The following MUC4 variants were observed in gnomAD, a reference collection of about 807,000 sequenced individuals.
MUC4 encodes the protein mucin 4, cell surface associated, also known as mucin-4.
A neutral mutation model predicts 257.9 loss-of-function variants in MUC4; 202 were observed. That is an observed-to-expected ratio of 0.78 (90% CI 0.70 to 0.88). MUC4 has a LOEUF of 0.88. Ranked by LOEUF, MUC4 falls within the 40% of genes least tolerant of loss-of-function variation. The pLI is 0.00. For missense variants in MUC4, 5,976 were observed against 6,513.7 expected, an observed-to-expected ratio of 0.92 and a Z score of 2.84; for synonymous variants, 2,351 against 2,757.1, an observed-to-expected ratio of 0.85 and a Z score of 4.62.
At chr3:195,761,255 T>G in intron 15 of MUC4, 138 bp from the exon 16 acceptor site, 1 of 810,016 alleles carries the variant, frequency 1.2e-6, no homozygotes, top group Non-Finnish European at 2.0e-6. Context: ...AGCTTCTGAG[T>G]CTAGAAACAC....
chr3:195,802,522 C>G (rs1228208288), intron 1 of MUC4, among the ~76,000 whole-genome samples: 1 of 150,810 alleles, frequency 6.6e-6, no homozygotes, highest in African/African-American at 2.4e-5. Flanking sequence ...TGGAAGGTGT[C>G]TGGTAGGTCC....
chr3:195,808,931 C>G lies in MUC4; in HGVS notation c.82+2805G>C, dbSNP rs184007637. ...AGGAGGGGCCCATAAAGACCCTTCC[C>G]CGTGGAGTGCGCTGTGGCCGGCGTC... is the stretch of plus-strand genomic sequence containing the variant. On this transcript the variant is annotated intron_variant, in intron 1 of 24. Coordinates refer to ENST00000463781, the MANE Select transcript of MUC4 (RefSeq NM_018406.7). Among the ~76,000 whole-genome samples, 218 of 152,290 alleles carry G rather than the reference C, an allele frequency of 1.4e-3. 1 individual carries two copies. The highest frequency in any genetic ancestry group is 2.8e-3 in the African/African-American group (117 of 41,560).
In MUC4 at chr3:195,781,254, A is replaced by C; in HGVS notation, c.10326T>G (p.Pro3442=). ...SASTGHATPV[P]VTSTSSASTG... is the part of the protein sequence containing the mutation. ...TAGATGCTGAGGAAGTGCTGGTGAC[A>C]GGAACAGGGGTGGCGTGACCGGTGG... Residue 3442 remains proline (P), a synonymous_variant, in exon 2 of 25, where the codon CCT becomes CCG. Coordinates refer to ENST00000463781, the MANE Select transcript of MUC4 (RefSeq NM_018406.7). 1 of 1,492,954 alleles carries C rather than the reference A, an allele frequency of 6.7e-7. No individual in the cohort carries two copies. The highest frequency in any genetic ancestry group is 1.3e-5 in the South Asian group (1 of 79,928). 92.5% of individuals were successfully genotyped at this position (1,492,954 alleles called of 1,614,324 possible).
rs780377694 is a variant in MUC4 at position 195,747,250 on chromosome 3, C to T, written c.16165G>A (p.Val5389Met). 17 of 1,614,134 alleles carry T rather than the reference C, an allele frequency of 1.1e-5. No individual in the cohort carries two copies. Among genetic ancestry groups the T allele is most frequent in the African/African-American group, 1.3e-5 (1 of 74,958 alleles). Reference protein sequence around the residue: ...GLLLLGVGTFVVLRFWGCSGA... With the variant: ...GLLLLGVGTFMVLRFWGCSGA... ...GAGCAACCCCAGAAGCGCAGGACCA[C>T]GAACGTCCCGACCCCCAGCAGCAAG... is the stretch of plus-strand genomic sequence containing the variant. The change falls in exon 25 of 25, where the codon GTG (valine) becomes ATG (methionine). Residue 5389 changes from valine to methionine, a missense_variant. This residue lies in a region of MUC4 where 310 missense variants were observed against 242.1 expected (regional missense o/e 1.28). Transcript: ENST00000463781.
At chr3:195,748,557 C>T (rs1715640412) in intron 24 of MUC4, among the ~76,000 whole-genome samples, 1 of 152,274 alleles carries the variant, frequency 6.6e-6, no homozygotes, top group African/African-American at 2.4e-5. Flanking sequence ...AATGACACTC[C>T]ATCTCAAAAC....
At chr3:195,793,127 T>TAA (rs200682946) in intron 1 of MUC4, among the ~76,000 whole-genome samples, 3 of 151,980 alleles carry the variant, frequency 2.0e-5, no homozygotes, top group African/African-American at 7.3e-5. Context: ...AAACTTAAAG[T>TAA]AAAAATGAAA....
rs964548976 is a variant in MUC4, at chr3:195,757,534, A to G, written c.14987-206T>C. ...TGGAAGGACGTGGCACCAGTCCAAC[A>G]TACTGATTGTAGCGGGGAACGCCAC... On this transcript the variant is annotated intron_variant, in intron 17 of 24. Transcript: ENST00000463781. The surrounding 1 kb of genome is among the most constrained non-coding windows in gnomAD (Gnocchi z 4.8). Among the ~76,000 whole-genome samples the G allele has an allele frequency of 6.6e-6, 1 of 152,066 alleles. No individual in the cohort carries two copies. Among genetic ancestry groups the G allele is most frequent in the Non-Finnish European group, 1.5e-5 (1 of 68,002 alleles).
In MUC4 at chr3:195,752,377, G is replaced by T. The variant is rs773674525; in HGVS notation, c.15578C>A (p.Ala5193Asp). The T allele has an allele frequency of 6.2e-7, 1 of 1,613,362 alleles. No homozygotes were observed. The highest frequency in any genetic ancestry group is 1.7e-5 in the Admixed American group (1 of 60,030). Residue 5193 changes from alanine (A) to aspartate (D), a missense_variant, in exon 21 of 25, where the codon GCC (alanine) becomes GAC (aspartate). By Grantham distance (126) the Ala-to-Asp change is moderately radical. Transcript: ENST00000463781. ...EENASMAEVN[A>D]SVAYRLGTLD... The stretch of plus-strand genomic sequence containing the variant: ...AGCGCGGCCTGCAGCACTGACCGAG[G>T]CGTTGACTTCTGCCATGGAGGCATT...
intron 1 of MUC4, among the ~76,000 whole-genome samples, chr3:195,808,935 G>A (rs1318746877): frequency 2.0e-5 from 3 of 152,184 alleles, no homozygotes; most frequent in East Asian, 1.9e-4. Context: ...CCTTCCCCGT[G>A]GAGTGCGCTG....
In MUC4 at chr3:195,779,301, G is replaced by A. The variant is rs866027921; in HGVS notation, c.12279C>T (p.His4093=). 110 of 1,196,814 alleles carry A rather than the reference G, an allele frequency of 9.2e-5. 25 individuals are homozygous for A. The African/African-American group carries it at 1.3e-3, about 15-fold the overall frequency. The allele number at this position is 1,196,814 out of a possible 1,614,324, so 74.1% of individuals were successfully genotyped here. ...GGCTGGTGAGAGGAAGAGGGGTGGC[G>A]TGACCGGTGGATGCTGAGGAAGCAT... ...VTDASSASTG[H]ATPLPLTSLS... is the part of the protein sequence containing the mutation. Residue 4093 remains histidine, a synonymous_variant, in exon 2 of 25, where the codon CAC becomes CAT. Transcript: ENST00000463781.
rs751939041 is a variant in MUC4 at position 195,786,931 on chromosome 3, G to C, written c.4649C>G (p.Thr1550Ser). The change falls in exon 2 of 25, where the codon ACC (threonine) becomes AGC (serine). Residue 1550 changes from threonine to serine, a missense_variant. Physicochemically the swap from Thr to Ser is moderately conservative, Grantham distance 58. Transcript: ENST00000463781. ...TSPSSASTGD[T>S]TPLPVTDASS... ...AGCGTCGGTGACAGGAAGAGGGGTG[G>C]TGTCACCTGTGGATGCTGAGGAAGG... is the stretch of plus-strand genomic sequence containing the variant. 3 of 940,936 alleles carry C rather than the reference G, an allele frequency of 3.2e-6. No individual in the cohort carries two copies. The highest frequency in any genetic ancestry group is 6.3e-5 in the Admixed American group (2 of 31,754). 58.3% of individuals were successfully genotyped at this position (940,936 alleles called of 1,614,324 possible). A position where few individuals can be genotyped will look rare whatever the true frequency, so the allele number is the denominator to read the frequency against.
intron 18 of MUC4, among the ~76,000 whole-genome samples, chr3:195,756,599 TTTCCTTTCC>T (rs1288726527): frequency 6.7e-6 from 1 of 149,660 alleles, no homozygotes; most frequent in Non-Finnish European, 1.5e-5. Context: ...TTTCCCTTTC[TTTCCTTTCC>T]TTTCTTTCCT....
intron 3 of MUC4, among the ~76,000 whole-genome samples, chr3:195,776,471 A>ACCCATACCTTCCG (rs1724764607): frequency 2.9e-4 from 1 of 3,474 alleles, no homozygotes; most frequent in Admixed American, 2.1e-3. Context: ...CATACCTTCC[A>ACCCATACCTTCCG]CACCCATACC....
chr3:195,772,160 AGTGGAACCCTCTCTCCATCGCTCAGGGG>A (rs1359684290), intron 4 of MUC4, among the ~76,000 whole-genome samples: 276 of 151,454 alleles, frequency 1.8e-3, no homozygotes, highest in African/African-American at 5.1e-3. Flanking sequence ...GGGCTCAGGG[AGTGGAACCCTCTCTCCATCGCTCAGGGG>A]GTGGAGCCCT....
In MUC4 at chr3:195,811,874, AGT is replaced by A; in HGVS notation, c.-59_-58del. The A allele has an allele frequency of 6.4e-7, 1 of 1,557,928 alleles. No individual in the cohort carries two copies. The highest frequency in any genetic ancestry group is 8.8e-7 in the Non-Finnish European group (1 of 1,132,564). On this transcript the variant is annotated 5_prime_UTR_variant, in exon 1 of 25. Coordinates refer to ENST00000463781, the MANE Select transcript of MUC4 (RefSeq NM_018406.7). ...GGAAGCTCCACGGCCCAGCAGCTGC[AGT>A]GTGAGGAGCAGACGTGAGCCCGTCC... is the stretch of plus-strand genomic sequence containing the variant.
At chr3:195,775,439 C>G (rs1467969066) in intron 3 of MUC4, among the ~76,000 whole-genome samples, 229 of 66,512 alleles carry the variant, frequency 3.4e-3, no homozygotes, top group Admixed American at 4.6e-3. Context: ...ACCTTCCACA[C>G]CCATACCTTC....
Position 195,789,943 on chromosome 3 carries a change from G to T in MUC4, c.1637C>A (p.Thr546Asn). ...VSAIGEPGEP[T>N]TYSSHSTTLP... ...AGTTGTGCTGTGGGAGGAGTATGTGGTGGGCTCTCCTGGTTCCCCTATTGC... is the reference window on the plus strand; with the variant it reads ...AGTTGTGCTGTGGGAGGAGTATGTGTTGGGCTCTCCTGGTTCCCCTATTGC... Residue 546 changes from threonine to asparagine, a missense_variant, in exon 2 of 25, where the codon ACC becomes AAC. This residue lies in a region of MUC4 where 1,583 missense variants were observed against 1,257.4 expected (regional missense o/e 1.26). Coordinates refer to ENST00000463781, the MANE Select transcript of MUC4 (RefSeq NM_018406.7). The T allele has an allele frequency of 2.5e-6, 4 of 1,613,966 alleles. No individual in the cohort carries two copies. Among genetic ancestry groups the T allele is most frequent in the South Asian group, 1.1e-5 (1 of 91,076 alleles).
chr3:195,802,760 A>T (rs1483211790), intron 1 of MUC4, among the ~76,000 whole-genome samples: 1 of 152,158 alleles, frequency 6.6e-6, no homozygotes, highest in East Asian at 1.9e-4. Flanking sequence ...CTTCTGTAAT[A>T]AGAAATGGCC....
chr3:195,753,096 G>A lies in MUC4; in HGVS notation c.15463C>T (p.Arg5155Cys), dbSNP rs751791718. The A allele has an allele frequency of 9.3e-6, 15 of 1,612,562 alleles. No individual in the cohort carries two copies. Among genetic ancestry groups the A allele is most frequent in the Non-Finnish European group, 5.9e-6 (7 of 1,179,554 alleles). The part of the protein sequence containing the change: ...CTCPPAFTDS[R>C]CFLAGNNFSP... The stretch of plus-strand genomic sequence containing the variant: ...AAGTTGTTCCCAGCCAGGAAGCAGC[G>A]GCTGTCAGTGAAGGCTGGGGGGCAG... Residue 5155 changes from arginine to cysteine, a missense_variant, in exon 20 of 25, where the codon CGC (arginine) becomes TGC (cysteine). Coordinates refer to ENST00000463781, the MANE Select transcript of MUC4 (RefSeq NM_018406.7).
Sources: gnomAD v4.1 joint callset for allele counts (sites outside exome capture counted in the v4.1 genomes callset) on GRCh38, gnomAD v4.1.1 for gene constraint, gnomAD v4.1.1 regional missense constraint, Gnocchi (gnomAD v3.1) non-coding constraint, MANE v1.5 for transcripts, NCBI Gene and HGNC (gene_info 2026-07-23, HGNC 2026-07-21) for gene names.